PHF14: variants seen among roughly 807,000 people sequenced by gnomAD.
PHF14 encodes the protein PHD finger protein 14.
In PHF14, 55 loss-of-function variants were observed where a neutral mutation model predicts 117.9. That is an observed-to-expected ratio of 0.47 (90% CI 0.38 to 0.58). The LOEUF (loss-of-function observed/expected upper bound fraction) is 0.58. Ranked by LOEUF, PHF14 falls within the 20% of genes least tolerant of loss-of-function variation. The probability of loss-of-function intolerance (pLI) is 0.00; values close to 1 mark genes in which losing one functional copy is unlikely to be tolerated. For synonymous variants in PHF14, 409 were observed against 368.6 expected (o/e 1.11, Z -1.26); for missense variants, 978 against 1,122.2 (o/e 0.87, Z 1.84).
At chr7:11,063,547 C>T in intron 16 of PHF14, 1 of 973,826 alleles carries the variant, frequency 1.0e-6, no homozygotes, top group Non-Finnish European at 1.2e-6. Context: ...GCTGGTGATC[C>T]TTTTATTAAT....
At chr7:11,162,240 C>T (rs1789067326) in intron 17 of PHF14, among the ~76,000 whole-genome samples, 1 of 151,692 alleles carries the variant, frequency 6.6e-6, no homozygotes. Flanking sequence ...AGGCACACGC[C>T]ACCATACCCA....
intron 6 of PHF14, among the ~76,000 whole-genome samples, chr7:11,025,554 G>A (rs1783877336): frequency 6.6e-6 from 1 of 152,162 alleles, no homozygotes; most frequent in Non-Finnish European, 1.5e-5. Flanking sequence ...AGCACTTTGG[G>A]AGGCCGAGGT....
At chr7:10,984,009 A>G (rs1227645325) in intron 3 of PHF14, among the ~76,000 whole-genome samples, 5 of 152,164 alleles carry the variant, frequency 3.3e-5, no homozygotes, top group Non-Finnish European at 7.4e-5. Context: ...ATGTAGATGT[A>G]TCTGTTACAT....
At chr7:10,996,063 G>A (rs1308571768) in intron 4 of PHF14, among the ~76,000 whole-genome samples, 4 of 152,248 alleles carry the variant, frequency 2.6e-5, no homozygotes, top group Non-Finnish European at 4.4e-5. Context: ...AGGGCTGTGA[G>A]GGCTGCCAGC....
intron 17 of PHF14, among the ~76,000 whole-genome samples, chr7:11,153,411 T>G (rs777562382): frequency 6.6e-5 from 10 of 152,028 alleles, no homozygotes; most frequent in Non-Finnish European, 1.3e-4. Context: ...AGGGGAAGTT[T>G]AGGGTTGGGA....
chr7:11,135,669 G>A (rs1340658748), intron 17 of PHF14, among the ~76,000 whole-genome samples: 1 of 152,096 alleles, frequency 6.6e-6, no homozygotes, highest in Non-Finnish European at 1.5e-5. Context: ...AATGTTAAAT[G>A]TAACTATAGC....
chr7:11,118,298 T>C (rs1787655889), intron 17 of PHF14, among the ~76,000 whole-genome samples: 2 of 151,858 alleles, frequency 1.3e-5, no homozygotes, highest in African/African-American at 4.8e-5. Flanking sequence ...TCTTTCCTGG[T>C]GGGTGGGATA....
Position 11,148,750 on chromosome 7 carries a change from T to G in PHF14, c.2773-20666T>G, listed in dbSNP as rs572798113. The stretch of plus-strand genomic sequence containing the variant: ...CAAACATTTATATAAGTTTAATTCT[T>G]AAAATATAACAACTTTTAGAAAAGG... On this transcript the variant is annotated intron_variant, in intron 17 of 17. Transcript: ENST00000634607. 3.3e-5 allele frequency among the ~76,000 whole-genome samples: 5 copies of G among 152,296 alleles called. No individual in the cohort carries two copies. The East Asian group carries it at 9.6e-4, about 29-fold the overall frequency.
chr7:11,090,455 G>A (rs553405492), intron 16 of PHF14, among the ~76,000 whole-genome samples: 9 of 152,178 alleles, frequency 5.9e-5, no homozygotes, highest in South Asian at 2.1e-4. Flanking sequence ...TCCTTTTCAG[G>A]TTACTCATTT....
chr7:11,144,081 A>G (rs746228014), intron 17 of PHF14, among the ~76,000 whole-genome samples: 4 of 152,126 alleles, frequency 2.6e-5, no homozygotes, highest in Admixed American at 6.6e-5. Flanking sequence ...AAATTTCTCA[A>G]AAGTCATACA....
At chr7:11,028,881 C>T in intron 7 of PHF14, 63 bp downstream of exon 7, 1 of 1,321,132 alleles carries the variant, frequency 7.6e-7, no homozygotes, top group Non-Finnish European at 1.1e-6. Context: ...ACTCTATGTC[C>T]TATAATAAGT....
chr7:11,090,936 CAAAT>C (rs1562461574), intron 16 of PHF14, among the ~76,000 whole-genome samples: 2 of 152,048 alleles, frequency 1.3e-5, no homozygotes, highest in Non-Finnish European at 2.9e-5. Flanking sequence ...TAAACAGACA[CAAAT>C]AAAGACAAAG....
intron 5 of PHF14, among the ~76,000 whole-genome samples, chr7:11,016,171 T>C (rs865886026): frequency 1.3e-5 from 2 of 152,182 alleles, no homozygotes; most frequent in Admixed American, 1.3e-4. Context: ...AAAAATTCTT[T>C]TATATACTAT....
intron 4 of PHF14, among the ~76,000 whole-genome samples, chr7:10,999,591 T>G (rs1434248233): frequency 6.6e-6 from 1 of 152,210 alleles, no homozygotes; most frequent in Middle Eastern, 3.2e-3. Flanking sequence ...TCCCAGTAGA[T>G]TCATTGTTCA....
chr7:11,135,049 G>C (rs1250136331), intron 17 of PHF14, among the ~76,000 whole-genome samples: 5 of 152,044 alleles, frequency 3.3e-5, no homozygotes, highest in African/African-American at 1.2e-4. Context: ...ATCCCTCATT[G>C]CATCTGTTAC....
intron 1 of PHF14, 23 bp from the exon 2 acceptor site, chr7:10,974,812 A>C (rs777185410): frequency 1.7e-6 from 2 of 1,193,158 alleles, no homozygotes; most frequent in East Asian, 2.4e-5. Flanking sequence ...ATGAATGACA[A>C]TGTAATTTTT....
At chr7:10,990,637 T>C (rs1249764258) in intron 3 of PHF14, 66 bp from the exon 4 acceptor site, 1 of 969,920 alleles carries the variant, frequency 1.0e-6, no homozygotes, top group East Asian at 2.7e-5. Flanking sequence ...TAAAGAATTT[T>C]AGTGATTAAG....
chr7:11,079,243 C>A (rs1026555955), intron 16 of PHF14, among the ~76,000 whole-genome samples: 1 of 152,084 alleles, frequency 6.6e-6, no homozygotes, highest in African/African-American at 2.4e-5. Flanking sequence ...AATAAAATAT[C>A]CAGAATTAGG....
intron 16 of PHF14, among the ~76,000 whole-genome samples, chr7:11,073,879 G>A (rs1785718399): frequency 6.6e-6 from 1 of 152,158 alleles, no homozygotes; most frequent in South Asian, 2.1e-4. Flanking sequence ...TTGGTGGCCC[G>A]AGCTAGCTGT....
Sources: allele counts gnomAD v4.1 joint callset (sites outside exome capture counted in the v4.1 genomes callset), GRCh38; gene constraint gnomAD v4.1.1; transcripts MANE v1.5; gene names NCBI Gene and HGNC (gene_info 2026-07-23, HGNC 2026-07-21).